The following CERS6 variants were observed in gnomAD, a reference collection of about 807,000 sequenced individuals.
CERS6 encodes ceramide synthase 6.
A neutral mutation model predicts 56.8 loss-of-function variants in CERS6; 26 were observed. That is an observed-to-expected ratio of 0.46 (90% CI 0.34 to 0.63). The LOEUF (loss-of-function observed/expected upper bound fraction) is 0.63, where lower values mean the gene tolerates loss of function less well. Among genes scored for constraint, CERS6 ranks in the 30% least tolerant of loss-of-function variants. The pLI, the probability that CERS6 is intolerant of heterozygous loss-of-function variation, is 0.01. For missense variants in CERS6, 415 were observed against 467.5 expected (o/e 0.89, Z 1.04); for synonymous variants, 164 against 173.3 (o/e 0.95, Z 0.42).
At chr2:168,463,189 A>T (rs888409460) in intron 1 of CERS6, among the ~76,000 whole-genome samples, 14 of 152,184 alleles carry the variant, frequency 9.2e-5, no homozygotes, top group Non-Finnish European at 2.1e-4. Flanking sequence ...GGAATTTGGA[A>T]CTAGGTTTCT....
At chr2:168,547,954 C>G (rs1695497484) in intron 2 of CERS6, among the ~76,000 whole-genome samples, 2 of 152,116 alleles carry the variant, frequency 1.3e-5, no homozygotes, top group Admixed American at 1.3e-4. Flanking sequence ...AATGATTAGT[C>G]TAATTCTGTG....
rs112487201 is a variant in CERS6 at position 168,743,226 on chromosome 2, A to G, written c.846-22366A>G. ...TATGTGTGTGTGTATGTGTGTGTGTATATATATATGTGTGTGTGTATATAT... is the reference window on the plus strand; with the variant it reads ...TATGTGTGTGTGTATGTGTGTGTGTGTATATATATGTGTGTGTGTATATAT... On this transcript the variant is annotated intron_variant, in intron 8 of 9. Transcript: ENST00000305747. 2.8e-3 allele frequency among the ~76,000 whole-genome samples: 262 copies of G among 93,846 alleles called. 2 individuals carry two copies. Among genetic ancestry groups the G allele is most frequent in the African/African-American group, 7.8e-3 (238 of 30,652 alleles). 61.6% of individuals were successfully genotyped at this position (93,846 alleles called of 152,430 possible).
In CERS6 at chr2:168,765,759, ACTCACTTTTTCC is replaced by A. The variant is rs1170568508; in HGVS notation, c.1002+12_1002+23del. 3 of 1,602,140 alleles carry A rather than the reference ACTCACTTTTTCC, an allele frequency of 1.9e-6. No homozygotes were observed. The highest frequency in any genetic ancestry group is 2.6e-6 in the Non-Finnish European group (3 of 1,175,258). ...GTTTCAAGAGGCAAGGTAAGCTACA[ACTCACTTTTTCC>A]AATATGTCTTAAAAAATTTTGTTTT... On this transcript the variant is annotated intron_variant, in intron 9 of 9. Transcript: ENST00000305747.
At chr2:168,530,274 G>A (rs1695142735) in intron 1 of CERS6, among the ~76,000 whole-genome samples, 1 of 152,204 alleles carries the variant, frequency 6.6e-6, no homozygotes, top group Non-Finnish European at 1.5e-5. Flanking sequence ...TTCTGTGAGG[G>A]TGCAGTTATA....
At chr2:168,692,111 G>T (rs1396464662) in intron 5 of CERS6, among the ~76,000 whole-genome samples, 1 of 152,116 alleles carries the variant, frequency 6.6e-6, no homozygotes, top group Admixed American at 6.6e-5. Flanking sequence ...CTTACGAGTG[G>T]TTTTTTCACA....
Position 168,525,820 on chromosome 2 carries a change from T to A in CERS6, c.171-21776T>A, listed in dbSNP as rs2105359081. 1.3e-5 allele frequency among the ~76,000 whole-genome samples: 2 copies of A among 152,354 alleles called. 1 individual carries two copies. Among genetic ancestry groups the A allele is most frequent in the South Asian group, 4.1e-4 (2 of 4,834 alleles). ...TGCAGGTCTTTAAATAAGAACTCAT[T>A]TAAGTCACTCTATGAGCTGTTGCCC... is the stretch of plus-strand genomic sequence containing the variant. On this transcript the variant is annotated intron_variant, in intron 1 of 9. Transcript: ENST00000305747.
chr2:168,547,663 A>G lies in CERS6; in HGVS notation c.238A>G (p.Asn80Asp), dbSNP rs1361913558. The change falls in exon 2 of 10, where the codon AAT (asparagine) becomes GAT (aspartate). Residue 80 changes from asparagine to aspartate, a missense_variant. Asn to Asp is a conservative substitution (Grantham distance 23). Coordinates refer to ENST00000305747, the MANE Select transcript of CERS6 (RefSeq NM_203463.3). ...QANGPQIAPPNAILEKVFTAI... is the reference protein window; with the variant it reads ...QANGPQIAPPDAILEKVFTAI... ...CAATGGACCACAAATTGCTCCGCCC[A>G]ATGCCATTCTGGAAAAGGTCTTCAC... 2 of 1,613,794 alleles carry G rather than the reference A, an allele frequency of 1.2e-6. No homozygotes were observed. The highest frequency in any genetic ancestry group is 1.7e-5 in the Admixed American group (1 of 60,028).
chr2:168,631,542 T>TA (rs1244121131), intron 4 of CERS6, among the ~76,000 whole-genome samples: 4,793 of 109,010 alleles, frequency 0.044, 1,574 homozygotes, highest in Admixed American at 0.082. Context: ...ATATTAAATA[T>TA]ATTATATTTT....
chr2:168,760,005 A>G (rs578134589), intron 8 of CERS6, among the ~76,000 whole-genome samples: 2 of 152,154 alleles, frequency 1.3e-5, no homozygotes, highest in South Asian at 4.1e-4. Context: ...AATCTTTAGT[A>G]TATGGCTCGA....
At chr2:168,641,724 A>G (rs1302264357) in intron 4 of CERS6, among the ~76,000 whole-genome samples, 3 of 152,078 alleles carry the variant, frequency 2.0e-5, no homozygotes. Flanking sequence ...TTATTACCAT[A>G]CGGTATAATT....
chr2:168,522,085 T>C (rs1200288682), intron 1 of CERS6, among the ~76,000 whole-genome samples: 1 of 152,190 alleles, frequency 6.6e-6, no homozygotes, highest in African/African-American at 2.4e-5. Context: ...TATATTTTTG[T>C]GACTTTGTTT....
At chr2:168,535,894 A>T (rs1215754834) in intron 1 of CERS6, among the ~76,000 whole-genome samples, 1 of 151,628 alleles carries the variant, frequency 6.6e-6, no homozygotes, top group African/African-American at 2.4e-5. Flanking sequence ...CATTTTCCTG[A>T]TGTGGCTGAA....
At chr2:168,622,384 T>C (rs1386286694) in intron 3 of CERS6, among the ~76,000 whole-genome samples, 1 of 152,258 alleles carries the variant, frequency 6.6e-6, no homozygotes, top group Admixed American at 6.5e-5. Flanking sequence ...CAGCTTGCTG[T>C]ATACCTTCTC....
In CERS6 at chr2:168,701,663, G is replaced by A. The variant is rs117759047; in HGVS notation, c.609+6612G>A. On this transcript the variant is annotated intron_variant, in intron 6 of 9. Coordinates refer to ENST00000305747, the MANE Select transcript of CERS6 (RefSeq NM_203463.3). The stretch of plus-strand genomic sequence containing the variant: ...ATTGGTTCCAGGACCACCAACCCCC[G>A]CCCCCGAGGATACCAAAATTCATGG... 9.3e-4 allele frequency among the ~76,000 whole-genome samples: 142 copies of A among 152,036 alleles called. 1 individual carries two copies. The East Asian group carries it at 0.022, about 24-fold the overall frequency.
At chr2:168,461,997 C>T (rs571185179) in intron 1 of CERS6, among the ~76,000 whole-genome samples, 1 of 152,338 alleles carries the variant, frequency 6.6e-6, no homozygotes, top group South Asian at 2.1e-4. Flanking sequence ...GACATTGCTG[C>T]ACCATCCTCA....
chr2:168,601,516 G>GT lies in CERS6; in HGVS notation c.408-29467dup, dbSNP rs367999233. ...GCCATCTCATTTCATAGAGGAGAATGTTGAACATTCTCAGGTGGACGCCAG... is the reference window on the plus strand; with the variant it reads ...GCCATCTCATTTCATAGAGGAGAATGTTTGAACATTCTCAGGTGGACGCCAG... On this transcript the variant is annotated intron_variant, in intron 3 of 9. Coordinates refer to ENST00000305747, the MANE Select transcript of CERS6 (RefSeq NM_203463.3). Among the ~76,000 whole-genome samples the GT allele has an allele frequency of 5.1e-3, 771 of 151,004 alleles. 9 individuals carry two copies. Among genetic ancestry groups the GT allele is most frequent in the African/African-American group, 0.018 (721 of 41,148 alleles).
At chr2:168,765,182 G>A (rs1479179815) in intron 8 of CERS6, among the ~76,000 whole-genome samples, 4 of 152,182 alleles carry the variant, frequency 2.6e-5, no homozygotes. Context: ...AATGGTGGTT[G>A]ATGCAGGCTG....
intron 4 of CERS6, among the ~76,000 whole-genome samples, chr2:168,637,235 T>C (rs906504470): frequency 1.3e-5 from 2 of 152,120 alleles, no homozygotes; most frequent in Admixed American, 1.3e-4. Flanking sequence ...CCCAGCACTT[T>C]GGGAGGCTGA....
At chr2:168,649,109 G>C (rs1217779948) in intron 4 of CERS6, among the ~76,000 whole-genome samples, 2 of 152,108 alleles carry the variant, frequency 1.3e-5, no homozygotes, top group Non-Finnish European at 2.9e-5. Context: ...ACTGATTTTA[G>C]AGAAGGATGG....
Sources: allele counts gnomAD v4.1 joint callset (sites outside exome capture counted in the v4.1 genomes callset), GRCh38; gene constraint gnomAD v4.1.1; transcripts MANE v1.5; gene names NCBI Gene and HGNC (gene_info 2026-07-23, HGNC 2026-07-21).